Variants in OSBPL1A observed in about 807,000 individuals in gnomAD.
OSBPL1A encodes oxysterol-binding protein-related protein 1.
Under a neutral mutation model 137.1 loss-of-function variants are expected in OSBPL1A, and 80 were observed. The observed-to-expected ratio is 0.58, with a 90% CI of 0.49 to 0.70. The LOEUF is 0.70. OSBPL1A is among the 30% of genes least tolerant of loss of function. The pLI, the probability that OSBPL1A is intolerant of heterozygous loss-of-function variation, is 0.00. For synonymous variants in OSBPL1A, 365 were observed against 389.7 expected (o/e 0.94, Z 0.75); for missense variants, 970 against 1,129.4 (o/e 0.86, Z 2.02).
Position 24,239,308 on chromosome 18 carries a change from A to G in OSBPL1A, c.1356T>C (p.Thr452=), listed in dbSNP as rs770424376. Residue 452 remains threonine, a synonymous_variant, in exon 16 of 28, where the codon ACT becomes ACC. Coordinates refer to ENST00000319481, the MANE Select transcript of OSBPL1A (RefSeq NM_080597.4). The part of the protein sequence containing the change: ...ILSEALETLA[T]EHHELEQSLV... ...GAGACTGCTCTAATTCATGATGTTC[A>G]GTGGCCAGCGTCTCCAGTGCTTCTG... The G allele has an allele frequency of 2.4e-5, 39 of 1,614,132 alleles. No homozygotes were observed. Among genetic ancestry groups the G allele is most frequent in the South Asian group, 2.3e-4 (21 of 91,082 alleles).
Position 24,385,173 on chromosome 18 carries a change from C to G in OSBPL1A, c.-2-7638G>C, listed in dbSNP as rs567268240. Among the ~76,000 whole-genome samples the G allele has an allele frequency of 2.7e-3, 406 of 152,102 alleles. 2 individuals are homozygous for G. The highest frequency in any genetic ancestry group is 7.4e-3 in the African/African-American group (309 of 41,526). On this transcript the variant is annotated intron_variant, in intron 1 of 27. Transcript: ENST00000319481. The stretch of plus-strand genomic sequence containing the variant: ...GTTTCACTGTGTTAGCCAGGATGGT[C>G]TCTATCTCCTGACCTCATGATCCGC...
intron 4 of OSBPL1A, among the ~76,000 whole-genome samples, chr18:24,355,475 C>T (rs528478890): frequency 1.3e-5 from 2 of 151,590 alleles, no homozygotes; most frequent in African/African-American, 4.8e-5. Flanking sequence ...CACTCCAGCG[C>T]GGGCAACAGG....
chr18:24,291,316 A>C (rs752444826), intron 14 of OSBPL1A, among the ~76,000 whole-genome samples: 10 of 152,204 alleles, frequency 6.6e-5, no homozygotes, highest in Non-Finnish European at 1.3e-4. Context: ...AAAAATAACA[A>C]ATTTTTAAAA....
intron 14 of OSBPL1A, among the ~76,000 whole-genome samples, chr18:24,290,396 C>A (rs2090154059): frequency 6.6e-6 from 1 of 152,080 alleles, no homozygotes; most frequent in Non-Finnish European, 1.5e-5. Context: ...AACAGATGAG[C>A]CTGGCCAGGC....
At position 24,162,227 on chromosome 18, in the gene OSBPL1A, T is replaced by C. The variant is rs1318398099; in HGVS notation, c.*952A>G. 1 of 152,164 alleles carries C rather than the reference T, an allele frequency of 6.6e-6. No homozygotes were observed. Among genetic ancestry groups the C allele is most frequent in the Non-Finnish European group, 1.5e-5 (1 of 68,044 alleles). 9.4% of individuals were successfully genotyped at this position (152,164 alleles called of 1,614,324 possible). On this transcript the variant is annotated 3_prime_UTR_variant, in exon 28 of 28. Coordinates refer to ENST00000319481, the MANE Select transcript of OSBPL1A (RefSeq NM_080597.4). ...AAGATTTAAGATGAATGTGCCCCAA[T>C]TAAAGGGGCAAAACTACTGTACAGT...
At chr18:24,275,689 CTG>C (rs897364073) in intron 15 of OSBPL1A, among the ~76,000 whole-genome samples, 9 of 151,886 alleles carry the variant, frequency 5.9e-5, no homozygotes, top group Admixed American at 4.6e-4. Context: ...AATGTAGGGT[CTG>C]AATCTTTCCA....
At chr18:24,346,635 T>C (rs959515675) in intron 4 of OSBPL1A, among the ~76,000 whole-genome samples, 16 of 152,258 alleles carry the variant, frequency 1.1e-4, no homozygotes, top group African/African-American at 3.9e-4. Flanking sequence ...TTGGTGTGTA[T>C]CAGTACTTCA....
At chr18:24,226,848 T>C (rs1188038684) in intron 16 of OSBPL1A, among the ~76,000 whole-genome samples, 1 of 151,924 alleles carries the variant, frequency 6.6e-6, no homozygotes, top group Non-Finnish European at 1.5e-5. Context: ...TCTGAAAATA[T>C]AGTTTTGTTC....
At chr18:24,217,932 T>C (rs1260141222) in intron 17 of OSBPL1A, among the ~76,000 whole-genome samples, 1 of 152,052 alleles carries the variant, frequency 6.6e-6, no homozygotes, top group Non-Finnish European at 1.5e-5. Context: ...TGTGGAATGA[T>C]ACCCCAGGAA....
chr18:24,361,953 T>C (rs1342490308), intron 4 of OSBPL1A, among the ~76,000 whole-genome samples: 3 of 140,910 alleles, frequency 2.1e-5, no homozygotes, highest in Non-Finnish European at 4.5e-5. Context: ...AGTGAGATCG[T>C]GCCACTGCAC....
intron 23 of OSBPL1A, 118 bp from the exon 24 acceptor site, chr18:24,170,571 A>T: frequency 9.2e-7 from 1 of 1,081,980 alleles, no homozygotes; most frequent in Non-Finnish European, 1.4e-6. Context: ...GACCCTGCTT[A>T]GCTTCCAAGA....
At chr18:24,396,686 G>C (rs1370058798) in intron 1 of OSBPL1A, among the ~76,000 whole-genome samples, 1 of 152,032 alleles carries the variant, frequency 6.6e-6, no homozygotes, top group Non-Finnish European at 1.5e-5. Flanking sequence ...AGCTTGGGGT[G>C]GGGAGGGAGG....
chr18:24,213,963 GA>G (rs1031464398), intron 17 of OSBPL1A, among the ~76,000 whole-genome samples: 8 of 152,200 alleles, frequency 5.3e-5, no homozygotes, highest in African/African-American at 1.9e-4. Flanking sequence ...AGGAAATGAT[GA>G]AAAAATATCT....
intron 23 of OSBPL1A, 29 bp from the exon 24 acceptor site, chr18:24,170,482 C>A (rs558646844): frequency 3.1e-6 from 5 of 1,613,462 alleles, no homozygotes; most frequent in Non-Finnish European, 3.4e-6. Flanking sequence ...GTTTAGTTAA[C>A]AAACCAGTGT....
intron 14 of OSBPL1A, among the ~76,000 whole-genome samples, chr18:24,299,445 T>C (rs1012856430): frequency 2.0e-5 from 3 of 152,192 alleles, no homozygotes; most frequent in African/African-American, 7.2e-5. Flanking sequence ...CAAATTCACG[T>C]AGAGTTTATT....
chr18:24,289,800 TTAAG>T (rs748141203), intron 14 of OSBPL1A, among the ~76,000 whole-genome samples: 2 of 152,112 alleles, frequency 1.3e-5, no homozygotes, highest in Admixed American at 1.3e-4. Context: ...CTCTGTGACC[TTAAG>T]TAAGTTATAT....
intron 4 of OSBPL1A, among the ~76,000 whole-genome samples, chr18:24,361,790 G>T (rs573343295): frequency 6.6e-6 from 1 of 152,062 alleles, no homozygotes; most frequent in Non-Finnish European, 1.5e-5. Context: ...AGCACTTGAG[G>T]TCAGGAGTTT....
At chr18:24,207,564 G>A (rs774642163) in intron 17 of OSBPL1A, among the ~76,000 whole-genome samples, 2 of 152,164 alleles carry the variant, frequency 1.3e-5, no homozygotes, top group African/African-American at 2.4e-5. Context: ...TCTGATTCCA[G>A]ATTAAAGAAT....
intron 26 of OSBPL1A, 136 bp from the exon 27 acceptor site, chr18:24,165,291 C>A: frequency 1.2e-6 from 1 of 815,786 alleles, no homozygotes; most frequent in Non-Finnish European, 1.9e-6. Context: ...ATACCAGAAT[C>A]AAATATCAAG....
Sources: gnomAD v4.1 joint callset for allele counts (sites outside exome capture counted in the v4.1 genomes callset) on GRCh38, gnomAD v4.1.1 for gene constraint, MANE v1.5 for transcripts, NCBI Gene and HGNC (gene_info 2026-07-23, HGNC 2026-07-21) for gene names.